The following ALK variants were observed in gnomAD, a reference collection of about 807,000 sequenced individuals.
The protein encoded by ALK is ALK tyrosine kinase receptor.
A neutral mutation model predicts 163.1 loss-of-function variants in ALK; 74 were observed. The ratio of observed to expected loss-of-function variants is 0.45; its 90% confidence interval spans 0.38 to 0.55. The LOEUF is 0.55. Among genes scored for constraint, ALK ranks in the 20% least tolerant of loss-of-function variants. ALK has a pLI of 0.00. For synonymous variants in ALK, 960 were observed against 843.2 expected (o/e 1.14, Z -2.40); for missense variants, 2,063 against 2,105.3 (o/e 0.98, Z 0.39).
chr2:29,694,006 T>G (rs544699804), intron 3 of ALK, among the ~76,000 whole-genome samples: 1 of 152,308 alleles, frequency 6.6e-6, no homozygotes, highest in African/African-American at 2.4e-5. Flanking sequence ...CCATTGCCAC[T>G]TCAGTTATTC....
intron 4 of ALK, among the ~76,000 whole-genome samples, chr2:29,428,575 T>C (rs1670200257): frequency 6.6e-6 from 1 of 151,802 alleles, no homozygotes. Context: ...CAAGAAGAAA[T>C]AGAAAATCTG....
Position 29,773,813 on chromosome 2 carries a change from A to G in ALK, c.668-56116T>C, listed in dbSNP as rs535781225. On this transcript the variant is annotated intron_variant, in intron 1 of 28. Transcript: ENST00000389048. The stretch of plus-strand genomic sequence containing the variant: ...ACTTCAAAGAGGAAGAGATTAATTT[A>G]GAATCGTGAAGGGAACAAGGAGAAG... Among the ~76,000 whole-genome samples, 11 of 152,348 alleles carry G rather than the reference A, an allele frequency of 7.2e-5. No individual in the cohort carries two copies. The South Asian group carries it at 8.3e-4, about 11-fold the overall frequency.
intron 3 of ALK, among the ~76,000 whole-genome samples, chr2:29,572,582 A>G (rs1052899840): frequency 6.6e-6 from 1 of 152,052 alleles, no homozygotes; most frequent in Admixed American, 6.5e-5. Flanking sequence ...TGGTTATTAT[A>G]TTCTCATAGC....
intron 1 of ALK, among the ~76,000 whole-genome samples, chr2:29,838,088 TG>T (rs1665607181): frequency 6.6e-6 from 1 of 152,178 alleles, no homozygotes; most frequent in Non-Finnish European, 1.5e-5. Flanking sequence ...AAAAGTTCAC[TG>T]GATGGGCTTA....
chr2:29,596,797 C>G (rs1675227441), intron 3 of ALK, among the ~76,000 whole-genome samples: 1 of 152,204 alleles, frequency 6.6e-6, no homozygotes, highest in South Asian at 2.1e-4. Context: ...GGGCACGTCC[C>G]TACTTCTATA....
intron 3 of ALK, among the ~76,000 whole-genome samples, chr2:29,605,899 C>T (rs1465699788): frequency 6.6e-6 from 1 of 152,120 alleles, no homozygotes; most frequent in Non-Finnish European, 1.5e-5. Flanking sequence ...AAAGTGACTC[C>T]TGCTTATCAG....
At chr2:29,488,175 T>C (rs1038309486) in intron 4 of ALK, among the ~76,000 whole-genome samples, 1 of 152,220 alleles carries the variant, frequency 6.6e-6, no homozygotes, top group Admixed American at 6.5e-5. Context: ...TATTTATATA[T>C]GCCTATGTGA....
chr2:29,570,242 G>T (rs1177865314), intron 3 of ALK, among the ~76,000 whole-genome samples: 1 of 152,230 alleles, frequency 6.6e-6, no homozygotes, highest in Non-Finnish European at 1.5e-5. Flanking sequence ...TAAAAAGAAA[G>T]AGAAGATAAA....
intron 5 of ALK, among the ~76,000 whole-genome samples, chr2:29,357,803 G>C (rs1308016372): frequency 6.6e-6 from 1 of 152,244 alleles, no homozygotes; most frequent in African/African-American, 2.4e-5. Context: ...TCTTCCTGGA[G>C]GGGTAGGAGG....
chr2:29,845,724 G>A (rs1235541939), intron 1 of ALK, among the ~76,000 whole-genome samples: 1 of 152,206 alleles, frequency 6.6e-6, no homozygotes, highest in Non-Finnish European at 1.5e-5. Flanking sequence ...GTGAGCCACT[G>A]TGCCCGGACA....
In ALK at chr2:29,816,359, G is replaced by A. The variant is rs539277210; in HGVS notation, c.668-98662C>T. Among the ~76,000 whole-genome samples the A allele has an allele frequency of 7.2e-5, 11 of 152,258 alleles. No individual in the cohort carries two copies. The East Asian group carries it at 2.1e-3, about 29-fold the overall frequency. The stretch of plus-strand genomic sequence containing the variant: ...AAAAATAATCTCTGCCTCACGGGTT[G>A]TTGCATCGATGAGATACTTACATAC... On this transcript the variant is annotated intron_variant, in intron 1 of 28. Transcript: ENST00000389048.
intron 5 of ALK, among the ~76,000 whole-genome samples, chr2:29,340,571 C>T (rs967805654): frequency 6.6e-6 from 1 of 152,208 alleles, no homozygotes; most frequent in Non-Finnish European, 1.5e-5. Context: ...GCTGATGCCA[C>T]TGTCAATCAT....
intron 4 of ALK, among the ~76,000 whole-genome samples, chr2:29,398,185 C>T (rs1290467363): frequency 2.0e-5 from 3 of 152,158 alleles, no homozygotes; most frequent in South Asian, 2.1e-4. Flanking sequence ...CACAGGCCAG[C>T]GTTTCCTCCC....
intron 4 of ALK, among the ~76,000 whole-genome samples, chr2:29,415,689 G>A (rs1669858370): frequency 6.6e-6 from 1 of 152,190 alleles, no homozygotes; most frequent in African/African-American, 2.4e-5. Flanking sequence ...ATGTCTATGA[G>A]GGTGTTTCAT....
chr2:29,861,032 T>C (rs909322917), intron 1 of ALK, among the ~76,000 whole-genome samples: 3 of 151,968 alleles, frequency 2.0e-5, no homozygotes, highest in Non-Finnish European at 2.9e-5. Context: ...AGTGGTTGGG[T>C]ATGGTGGCAT....
intron 3 of ALK, among the ~76,000 whole-genome samples, chr2:29,628,607 C>G (rs1676265415): frequency 6.6e-6 from 1 of 152,190 alleles, no homozygotes; most frequent in African/African-American, 2.4e-5. Context: ...AGATGGTGTA[C>G]AGTTCTATTT....
At chr2:29,544,001 A>G (rs144653731) in intron 3 of ALK, among the ~76,000 whole-genome samples, 241 of 152,350 alleles carry the variant, frequency 1.6e-3, no homozygotes, top group Non-Finnish European at 2.7e-3. Context: ...TTCCATCTCA[A>G]TCAATCAAAC....
rs201806531 is a variant in ALK, at chr2:29,251,101, G to A, written c.2204+4C>T. On this transcript the variant is annotated splice_donor_region_variant and intron_variant, in intron 12 of 28. Transcript: ENST00000389048. ...CCCCTCCCCTCCCCCTCTTCCATAC[G>A]CACCTGTAGGTGTCGGTGGCTGGCA... The A allele has an allele frequency of 4.9e-5, 79 of 1,613,492 alleles. No homozygotes were observed. In the East Asian group the frequency reaches 1.0e-3, roughly 20 times the overall value.
At chr2:29,395,611 C>T (rs374234636) in intron 4 of ALK, among the ~76,000 whole-genome samples, 4 of 152,210 alleles carry the variant, frequency 2.6e-5, no homozygotes, top group African/African-American at 9.6e-5. Context: ...CTTTCTCCCC[C>T]AAGGCAAGCC....
Sources: gnomAD v4.1 joint callset for allele counts (sites outside exome capture counted in the v4.1 genomes callset) on GRCh38, gnomAD v4.1.1 for gene constraint, MANE v1.5 for transcripts, NCBI Gene and HGNC (gene_info 2026-07-23, HGNC 2026-07-21) for gene names.